The following RAD51B variants were observed in gnomAD, a reference collection of about 807,000 sequenced individuals.
The protein encoded by RAD51B is RAD51 paralog B.
RAD51B carries 38 observed loss-of-function variants against 42.2 expected under a neutral mutation model. The ratio of observed to expected loss-of-function variants is 0.90; its 90% CI spans 0.70 to 1.18. The LOEUF (loss-of-function observed/expected upper bound fraction) is 1.18, where lower values mean the gene tolerates loss of function less well. RAD51B is among the 50% of genes most tolerant of loss of function. The pLI, the probability that RAD51B is intolerant of heterozygous loss-of-function variation, is 0.00. For synonymous variants in RAD51B, 154 were observed against 145.2 expected (o/e 1.06, Z -0.43); for missense variants, 373 against 400.7 (o/e 0.93, Z 0.59).
intron 7 of RAD51B, among the ~76,000 whole-genome samples, chr14:68,056,323 A>AT (rs1001061090): frequency 2.6e-5 from 4 of 151,834 alleles, no homozygotes; most frequent in Admixed American, 6.6e-5. Flanking sequence ...AATTTTTTGT[A>AT]TTTTTAGTAG....
At chr14:67,940,921 T>A (rs1345682459) in intron 7 of RAD51B, among the ~76,000 whole-genome samples, 1 of 152,204 alleles carries the variant, frequency 6.6e-6, no homozygotes, top group Non-Finnish European at 1.5e-5. Context: ...CTCCAATTCA[T>A]GTTTCCTTCT....
chr14:68,365,373 A>G (rs8013026), intron 8 of RAD51B, among the ~76,000 whole-genome samples: 131,835 of 152,306 alleles, frequency 0.87, 57,415 homozygotes, highest in East Asian at 0.99. Context: ...GCTCTGTCCT[A>G]TGTTTTAAAG....
At chr14:67,875,961 A>AT (rs1300996663) in intron 5 of RAD51B, among the ~76,000 whole-genome samples, 2 of 152,166 alleles carry the variant, frequency 1.3e-5, no homozygotes, top group Middle Eastern at 3.4e-3. Flanking sequence ...CCTCTTAATC[A>AT]TTTTTTTGAG....
chr14:67,978,956 T>C (rs1196361993), intron 7 of RAD51B, among the ~76,000 whole-genome samples: 1 of 152,236 alleles, frequency 6.6e-6, no homozygotes, highest in Non-Finnish European at 1.5e-5. Context: ...TTTCATTTGA[T>C]GGCATTTGCA....
intron 10 of RAD51B, among the ~76,000 whole-genome samples, chr14:68,556,792 C>T (rs1310311856): frequency 6.6e-6 from 1 of 152,198 alleles, no homozygotes; most frequent in East Asian, 1.9e-4. Flanking sequence ...ACTGCAAGCA[C>T]AATTTTAATC....
intron 7 of RAD51B, among the ~76,000 whole-genome samples, chr14:68,165,564 G>C (rs2078732110): frequency 6.6e-6 from 1 of 152,036 alleles, no homozygotes; most frequent in Non-Finnish European, 1.5e-5. Flanking sequence ...TTTTTGTGAG[G>C]TAAATTCTTG....
intron 8 of RAD51B, among the ~76,000 whole-genome samples, chr14:68,346,480 C>T (rs1454008714): frequency 1.3e-5 from 2 of 152,222 alleles, no homozygotes; most frequent in South Asian, 2.1e-4. Context: ...AACAACCACT[C>T]GATCATCAAG....
intron 7 of RAD51B, among the ~76,000 whole-genome samples, chr14:68,052,894 A>C (rs562498198): frequency 2.0e-5 from 3 of 152,088 alleles, no homozygotes; most frequent in African/African-American, 7.2e-5. Flanking sequence ...TGGGCTCCCA[A>C]AATGCTGAGA....
chr14:68,431,667 G>A (rs1288937742), intron 9 of RAD51B, among the ~76,000 whole-genome samples: 10 of 151,920 alleles, frequency 6.6e-5, no homozygotes, highest in Admixed American at 5.9e-4. Context: ...TCTTGCTAGT[G>A]GTCTATCAAT....
chr14:68,504,426 C>T (rs1226481657), intron 10 of RAD51B, among the ~76,000 whole-genome samples: 1 of 152,206 alleles, frequency 6.6e-6, no homozygotes, highest in African/African-American at 2.4e-5. Flanking sequence ...AATGAGTTTG[C>T]TCAGTCACAA....
intron 7 of RAD51B, among the ~76,000 whole-genome samples, chr14:68,080,707 A>G (rs1430672001): frequency 6.6e-6 from 1 of 152,198 alleles, no homozygotes; most frequent in Admixed American, 6.5e-5. Flanking sequence ...GCATTAACTG[A>G]AAAGTCTACT....
At chr14:68,524,537 C>T (rs766711003) in intron 10 of RAD51B, among the ~76,000 whole-genome samples, 10 of 152,156 alleles carry the variant, frequency 6.6e-5, no homozygotes, top group Non-Finnish European at 1.5e-4. Context: ...CTCGAGCTGG[C>T]TTTGAAGTTG....
At chr14:68,448,904 C>A (rs866430787) in intron 9 of RAD51B, among the ~76,000 whole-genome samples, 4 of 152,026 alleles carry the variant, frequency 2.6e-5, no homozygotes, top group South Asian at 2.1e-4. Flanking sequence ...AAAAAAAAAT[C>A]AAGCAATATA....
chr14:68,047,428 G>T (rs1420219957), intron 7 of RAD51B, among the ~76,000 whole-genome samples: 2 of 151,974 alleles, frequency 1.3e-5, no homozygotes, highest in African/African-American at 4.8e-5. Flanking sequence ...TAAAAGAAAT[G>T]TGCACCTTTT....
At position 68,579,847 on chromosome 14, in the gene RAD51B, G is replaced by A. The variant is rs574321974; in HGVS notation, c.1037-14638G>A. 2.0e-4 allele frequency among the ~76,000 whole-genome samples: 31 copies of A among 152,320 alleles called. 1 individual carries two copies. The highest frequency in any genetic ancestry group is 3.9e-4 in the East Asian group (2 of 5,184). ...GAGAGAAAATGGTCATGGGGTTCAC[G>A]GGCATTGTGCCCCCACCGTCGGCTG... is the stretch of plus-strand genomic sequence containing the variant. On this transcript the variant is annotated intron_variant, in intron 10 of 10. Coordinates refer to the RAD51B transcript ENST00000487270.
intron 5 of RAD51B, among the ~76,000 whole-genome samples, chr14:67,877,015 G>A (rs1273453053): frequency 1.3e-5 from 2 of 152,106 alleles, no homozygotes; most frequent in Non-Finnish European, 2.9e-5. Flanking sequence ...TTATGAATTA[G>A]TAGTTATCAG....
intron 10 of RAD51B, among the ~76,000 whole-genome samples, chr14:68,551,242 C>T (rs1888549784): frequency 1.3e-5 from 2 of 152,174 alleles, no homozygotes; most frequent in African/African-American, 2.4e-5. Context: ...AGCTCACTTC[C>T]TTGTTTCCAC....
intron 7 of RAD51B, among the ~76,000 whole-genome samples, chr14:68,290,919 G>A (rs2081503883): frequency 6.6e-6 from 1 of 151,954 alleles, no homozygotes; most frequent in Non-Finnish European, 1.5e-5. Flanking sequence ...CAATTCTCCT[G>A]TCTCAGCCTC....
chr14:68,306,333 CT>C (rs2081861700), intron 8 of RAD51B, among the ~76,000 whole-genome samples: 1 of 152,184 alleles, frequency 6.6e-6, no homozygotes, highest in East Asian at 1.9e-4. Flanking sequence ...TCACCTTGTC[CT>C]TTTCAGTTTA....
Sources: allele counts gnomAD v4.1 joint callset (sites outside exome capture counted in the v4.1 genomes callset), GRCh38; gene constraint gnomAD v4.1.1; transcripts MANE v1.5; gene names NCBI Gene and HGNC (gene_info 2026-07-23, HGNC 2026-07-21).